SNX3: variants seen among roughly 807,000 people sequenced by gnomAD.
SNX3 encodes the protein sorting nexin 3.
A neutral mutation model predicts 17.7 loss-of-function variants in SNX3; 5 were observed. The observed-to-expected ratio is 0.28, with a 90% CI of 0.15 to 0.59. The LOEUF is 0.59. SNX3 is among the 20% of genes least tolerant of loss of function. The pLI is 0.88. For synonymous variants in SNX3, 91 were observed against 76.5 expected, an observed-to-expected ratio of 1.19 and a Z score of -0.99; for missense variants, 132 against 206.8, an observed-to-expected ratio of 0.64 and a Z score of 2.22.
intron 1 of SNX3, among the ~76,000 whole-genome samples, chr6:108,246,225 A>T (rs1000575049): frequency 6.8e-6 from 1 of 146,680 alleles, no homozygotes; most frequent in Non-Finnish European, 1.5e-5. Flanking sequence ...GTTTTTTGCT[A>T]GGTTTGTCGA....
At position 108,239,765 on chromosome 6, in the gene SNX3, C is replaced by A. The variant is rs17069416; in HGVS notation, c.163-16720G>T. Among the ~76,000 whole-genome samples the A allele has an allele frequency of 4.9e-3, 747 of 152,274 alleles. 3 individuals carry two copies. The highest frequency in any genetic ancestry group is 0.017 in the African/African-American group (723 of 41,554). The stretch of plus-strand genomic sequence containing the variant: ...TATGGTTATAGTACTTGACCCAAAG[C>A]AGATATTAAATAAACCTTTAAAACT... On this transcript the variant is annotated intron_variant, in intron 1 of 3. Coordinates refer to ENST00000230085, the MANE Select transcript of SNX3 (RefSeq NM_003795.6).
In SNX3 at chr6:108,260,627, C is replaced by T. The variant is rs1236731765; in HGVS notation, c.162+133G>A. On this transcript the variant is annotated intron_variant, in intron 1 of 3. Transcript: ENST00000230085. ...AGGAAGAGGGGCCCTGGCTCACGAC[C>T]CCGGCCCGCCTCTGCAAGGGGGCTC... The T allele has an allele frequency of 2.5e-5, 25 of 1,015,008 alleles. No individual in the cohort carries two copies. In the East Asian group the frequency reaches 6.4e-4, roughly 26 times the overall value. 62.9% of individuals were successfully genotyped at this position (1,015,008 alleles called of 1,614,324 possible). A position where few individuals can be genotyped will look rare whatever the true frequency, so the allele number is the denominator to read the frequency against.
At chr6:108,257,867 G>A (rs997257301) in intron 1 of SNX3, among the ~76,000 whole-genome samples, 1 of 152,140 alleles carries the variant, frequency 6.6e-6, no homozygotes, top group South Asian at 2.1e-4. Context: ...GGGCGGCTGA[G>A]GCAGGAGAAT....
At chr6:108,212,404 T>C in intron 3 of SNX3, 150 bp from the exon 4 acceptor site, 1 of 568,944 alleles carries the variant, frequency 1.8e-6, no homozygotes, top group Non-Finnish European at 3.0e-6. Flanking sequence ...CAGTGGCTGA[T>C]CTTGGCTCAT....
At chr6:108,222,493 C>T (rs990179322) in intron 2 of SNX3, among the ~76,000 whole-genome samples, 2 of 152,156 alleles carry the variant, frequency 1.3e-5, no homozygotes, top group Non-Finnish European at 2.9e-5. Flanking sequence ...AGAATATCAG[C>T]ACATATCACA....
chr6:108,227,394 T>C (rs975011096), intron 1 of SNX3, among the ~76,000 whole-genome samples: 4 of 152,188 alleles, frequency 2.6e-5, no homozygotes, highest in Admixed American at 2.0e-4. Context: ...TGAAACAACA[T>C]ATCAAGCTTA....
chr6:108,244,461 T>C (rs1460080963), intron 1 of SNX3, among the ~76,000 whole-genome samples: 1 of 152,082 alleles, frequency 6.6e-6, no homozygotes, highest in Non-Finnish European at 1.5e-5. Context: ...GGCCCCTCCA[T>C]ACTGTTTGTT....
intron 2 of SNX3, among the ~76,000 whole-genome samples, chr6:108,219,554 T>A (rs924695325): frequency 1.3e-5 from 2 of 152,306 alleles, no homozygotes; most frequent in African/African-American, 4.8e-5. Context: ...GATATTATAG[T>A]ATGCTATGAT....
chr6:108,255,151 A>C (rs1018103404), intron 1 of SNX3, among the ~76,000 whole-genome samples: 1 of 151,956 alleles, frequency 6.6e-6, no homozygotes, highest in Non-Finnish European at 1.5e-5. Flanking sequence ...TTCCTCCCCC[A>C]CTCTCCATTC....
chr6:108,233,797 A>C (rs1241807291), intron 1 of SNX3, among the ~76,000 whole-genome samples: 2 of 152,198 alleles, frequency 1.3e-5, no homozygotes, highest in African/African-American at 4.8e-5. Flanking sequence ...GAATTTGTAC[A>C]ATCACCAAGT....
At chr6:108,259,296 C>T (rs943335821) in intron 1 of SNX3, among the ~76,000 whole-genome samples, 1 of 152,166 alleles carries the variant, frequency 6.6e-6, no homozygotes, top group Non-Finnish European at 1.5e-5. Context: ...TGCAATGGCC[C>T]GATCTAGGCT....
At chr6:108,239,847 A>T (rs1775464578) in intron 1 of SNX3, among the ~76,000 whole-genome samples, 1 of 152,230 alleles carries the variant, frequency 6.6e-6, no homozygotes, top group Non-Finnish European at 1.5e-5. Context: ...AGGGGCCTGG[A>T]AATATTTGAT....
intron 2 of SNX3, among the ~76,000 whole-genome samples, chr6:108,218,423 G>A (rs1034340755): frequency 6.6e-6 from 1 of 152,154 alleles, no homozygotes; most frequent in Non-Finnish European, 1.5e-5. Context: ...TCACATTGCT[G>A]GTAAGAATGT....
At chr6:108,242,440 C>A (rs778223012) in intron 1 of SNX3, among the ~76,000 whole-genome samples, 5 of 152,156 alleles carry the variant, frequency 3.3e-5, no homozygotes, top group Non-Finnish European at 7.3e-5. Flanking sequence ...CTCATCACTA[C>A]AGGGGACCCA....
At chr6:108,232,791 C>T (rs1458119840) in intron 1 of SNX3, among the ~76,000 whole-genome samples, 1 of 152,112 alleles carries the variant, frequency 6.6e-6, no homozygotes, top group Non-Finnish European at 1.5e-5. Context: ...AAAAGATAAA[C>T]TGAGAAGTGC....
chr6:108,216,139 C>T (rs182640414), intron 2 of SNX3, among the ~76,000 whole-genome samples: 32 of 152,146 alleles, frequency 2.1e-4, no homozygotes, highest in African/African-American at 7.0e-4. Context: ...TTCCGTGGTG[C>T]GATCATGGCT....
chr6:108,257,603 G>A (rs892571618), intron 1 of SNX3, among the ~76,000 whole-genome samples: 9 of 152,294 alleles, frequency 5.9e-5, no homozygotes, highest in Non-Finnish European at 1.3e-4. Context: ...AAAATCATAT[G>A]CTGCTCAAAT....
At chr6:108,237,159 T>C (rs1344776260) in intron 1 of SNX3, among the ~76,000 whole-genome samples, 1 of 152,228 alleles carries the variant, frequency 6.6e-6, no homozygotes, top group African/African-American at 2.4e-5. Context: ...CTGGCTACTA[T>C]ATCTTCTTTA....
chr6:108,258,472 A>AAAG, intron 1 of SNX3, among the ~76,000 whole-genome samples: 1 of 151,530 alleles, frequency 6.6e-6, no homozygotes, highest in African/African-American at 2.4e-5. Flanking sequence ...AAAAAAAAAA[A>AAAG]AAATTTTCTT....
Sources: gnomAD v4.1 joint callset for allele counts (sites outside exome capture counted in the v4.1 genomes callset) on GRCh38, gnomAD v4.1.1 for gene constraint, MANE v1.5 for transcripts, NCBI Gene and HGNC (gene_info 2026-07-23, HGNC 2026-07-21) for gene names.